CADPS2: variants seen among roughly 807,000 people sequenced by gnomAD.
The protein encoded by CADPS2 is calcium-dependent secretion activator 2.
Under a neutral mutation model 172.5 loss-of-function variants are expected in CADPS2, and 93 were observed. The ratio of observed to expected loss-of-function variants is 0.54; its 90% CI spans 0.46 to 0.64. The LOEUF is 0.64. Among genes scored for constraint, CADPS2 ranks in the 30% least tolerant of loss-of-function variants. The pLI is 0.00. For synonymous variants in CADPS2, 546 were observed against 555.2 expected, an observed-to-expected ratio of 0.98 and a Z score of 0.23; for missense variants, 1,420 against 1,565.9, an observed-to-expected ratio of 0.91 and a Z score of 1.57.
intron 6 of CADPS2, among the ~76,000 whole-genome samples, chr7:122,598,908 A>G (rs2072316432): frequency 6.6e-6 from 1 of 152,092 alleles, no homozygotes; most frequent in Non-Finnish European, 1.5e-5. Context: ...CAACTAGAGC[A>G]AACAGTGAGA....
chr7:122,339,702 C>T (rs540871011), intron 28 of CADPS2, among the ~76,000 whole-genome samples: 211 of 152,238 alleles, frequency 1.4e-3, no homozygotes, highest in African/African-American at 4.7e-3. Flanking sequence ...GTCTGGCCAA[C>T]GTGGGGAAAC....
At chr7:122,753,294 C>G (rs1304556627) in intron 1 of CADPS2, among the ~76,000 whole-genome samples, 1 of 152,166 alleles carries the variant, frequency 6.6e-6, no homozygotes, top group African/African-American at 2.4e-5. Context: ...AAGTCTAAAG[C>G]CTTTCACATC....
At chr7:122,521,078 A>C (rs1479123812) in intron 8 of CADPS2, among the ~76,000 whole-genome samples, 1 of 152,134 alleles carries the variant, frequency 6.6e-6, no homozygotes, top group Non-Finnish European at 1.5e-5. Flanking sequence ...CAATACAGAA[A>C]GAAAAAAAAA....
chr7:122,571,473 G>A (rs1390359290), intron 7 of CADPS2, among the ~76,000 whole-genome samples: 1 of 152,064 alleles, frequency 6.6e-6, no homozygotes, highest in Non-Finnish European at 1.5e-5. Context: ...CCTGTAAGTG[G>A]TGATAAGGAA....
At chr7:122,399,804 A>G (rs1221726511) in intron 20 of CADPS2, among the ~76,000 whole-genome samples, 1 of 148,078 alleles carries the variant, frequency 6.8e-6, no homozygotes, top group African/African-American at 2.5e-5. Context: ...CTCCTGCCTC[A>G]GCCTCCCGAG....
At chr7:122,332,959 G>C (rs1039764541) in intron 28 of CADPS2, among the ~76,000 whole-genome samples, 1 of 152,146 alleles carries the variant, frequency 6.6e-6, no homozygotes. Flanking sequence ...ACTAGTAATT[G>C]GAAAGTGAAA....
intron 8 of CADPS2, among the ~76,000 whole-genome samples, chr7:122,543,444 C>T (rs1047807406): frequency 1.3e-4 from 20 of 152,078 alleles, no homozygotes. Flanking sequence ...GAGTCTGACA[C>T]ATAGTCTCAA....
chr7:122,470,651 C>T (rs775192395), intron 14 of CADPS2, among the ~76,000 whole-genome samples: 3 of 151,944 alleles, frequency 2.0e-5, no homozygotes, highest in East Asian at 1.9e-4. Context: ...TGCACCACCA[C>T]GCCCAGCTAA....
intron 25 of CADPS2, among the ~76,000 whole-genome samples, chr7:122,368,561 C>G (rs559166564): frequency 6.6e-6 from 1 of 152,306 alleles, no homozygotes; most frequent in South Asian, 2.1e-4. Context: ...CCAGGTAGGG[C>G]CCCAGGCCTC....
chr7:122,490,638 G>A (rs980611019), intron 10 of CADPS2, among the ~76,000 whole-genome samples: 5 of 151,814 alleles, frequency 3.3e-5, no homozygotes, highest in African/African-American at 1.2e-4. Context: ...TCTATACATG[G>A]GAAAAATATA....
chr7:122,636,652 G>C (rs1221338586), intron 3 of CADPS2, among the ~76,000 whole-genome samples: 1 of 152,006 alleles, frequency 6.6e-6, no homozygotes, highest in African/African-American at 2.4e-5. Context: ...TTTTAGTAAA[G>C]ACAAGGTTTC....
chr7:122,383,823 T>C (rs750697081), intron 24 of CADPS2, among the ~76,000 whole-genome samples: 4 of 152,114 alleles, frequency 2.6e-5, no homozygotes, highest in Non-Finnish European at 5.9e-5. Context: ...GTATATAATA[T>C]TTTAAAGGTA....
intron 9 of CADPS2, among the ~76,000 whole-genome samples, chr7:122,498,950 T>C (rs1249612548): frequency 6.6e-6 from 1 of 152,190 alleles, no homozygotes; most frequent in Non-Finnish European, 1.5e-5. Context: ...AAAGCCTAGC[T>C]TAAGGGCTCA....
chr7:122,608,250 C>A (rs1037927568), intron 6 of CADPS2, among the ~76,000 whole-genome samples: 2 of 150,690 alleles, frequency 1.3e-5, no homozygotes, highest in South Asian at 2.1e-4. Flanking sequence ...TTTGATAGAT[C>A]ATATAAAAAT....
At chr7:122,402,937 TAAA>T (rs1375089352) in intron 20 of CADPS2, among the ~76,000 whole-genome samples, 3 of 152,210 alleles carry the variant, frequency 2.0e-5, no homozygotes, top group African/African-American at 7.2e-5. Flanking sequence ...GTCAACATGG[TAAA>T]AACTGTAATG....
At chr7:122,723,350 A>C (rs906936029) in intron 2 of CADPS2, among the ~76,000 whole-genome samples, 1 of 152,132 alleles carries the variant, frequency 6.6e-6, no homozygotes, top group African/African-American at 2.4e-5. Context: ...AAACAACCCC[A>C]TCAAAAAGTG....
chr7:122,883,269 G>C (rs1033109191), intron 1 of CADPS2, among the ~76,000 whole-genome samples: 1 of 152,150 alleles, frequency 6.6e-6, no homozygotes, highest in African/African-American at 2.4e-5. Context: ...TGACTAAAGA[G>C]AAACCTGACT....
intron 1 of CADPS2, among the ~76,000 whole-genome samples, chr7:122,855,350 A>G (rs1300388065): frequency 6.6e-6 from 1 of 152,224 alleles, no homozygotes; most frequent in African/African-American, 2.4e-5. Flanking sequence ...TACCTGATAC[A>G]ATAAGGTACA....
Position 122,743,299 on chromosome 7 carries a change from G to T in CADPS2, c.340-6231C>A, listed in dbSNP as rs1280231229. On this transcript the variant is annotated intron_variant, in intron 1 of 29. Coordinates refer to ENST00000449022, the MANE Select transcript of CADPS2 (RefSeq NM_017954.11). ...AAACACTTAGATTCTAGGGTTCAGA[G>T]GTGTCTCATGTTTCCTGTTTTTTCA... Among the ~76,000 whole-genome samples, 3 of 152,110 alleles carry T rather than the reference G, an allele frequency of 2.0e-5. No homozygotes were observed. The East Asian group carries it at 5.8e-4, about 29-fold the overall frequency.
Sources: allele counts gnomAD v4.1 joint callset (sites outside exome capture counted in the v4.1 genomes callset), GRCh38; gene constraint gnomAD v4.1.1; transcripts MANE v1.5; gene names NCBI Gene and HGNC (gene_info 2026-07-23, HGNC 2026-07-21).